The following GALNTL6 variants were observed in gnomAD, a reference collection of about 807,000 sequenced individuals.
GALNTL6 encodes the protein polypeptide N-acetylgalactosaminyltransferase like 6.
A neutral mutation model predicts 73.7 loss-of-function variants in GALNTL6; 46 were observed. The observed-to-expected ratio is 0.62, with a 90% CI of 0.49 to 0.80. The LOEUF is 0.80. Ranked by LOEUF, GALNTL6 falls within the 30% of genes least tolerant of loss-of-function variation. GALNTL6 has a pLI of 0.00. For missense variants in GALNTL6, 604 were observed against 755.0 expected (o/e 0.80, Z 2.34); for synonymous variants, 259 against 263.7 (o/e 0.98, Z 0.17).
At chr4:172,162,118 T>G (rs749881322) in intron 2 of GALNTL6, among the ~76,000 whole-genome samples, 17 of 151,854 alleles carry the variant, frequency 1.1e-4, no homozygotes, top group Admixed American at 7.2e-4. Context: ...TTAATAATTT[T>G]AAAATAAAAC....
chr4:172,370,580 G>A (rs1281222425), intron 5 of GALNTL6, among the ~76,000 whole-genome samples: 2 of 135,290 alleles, frequency 1.5e-5, no homozygotes, highest in Middle Eastern at 4.9e-3. Flanking sequence ...GCAGTGAGTC[G>A]AGATCACGCC....
intron 2 of GALNTL6, among the ~76,000 whole-genome samples, chr4:171,857,661 T>G (rs1445797322): frequency 6.6e-6 from 1 of 152,160 alleles, no homozygotes; most frequent in Admixed American, 6.5e-5. Flanking sequence ...AAAAGAACAT[T>G]TTTTGTAAGG....
Position 172,809,355 on chromosome 4 carries a change from A to G in GALNTL6, c.554-6A>G. Reference sequence around the variant, plus strand: ...TTTTTCTATGCATTCTCTACTTCCTACCTAGAACACCTGAAGGATAAATTG... The same window carrying G: ...TTTTTCTATGCATTCTCTACTTCCTGCCTAGAACACCTGAAGGATAAATTG... On this transcript the variant is annotated splice_region_variant and splice_polypyrimidine_tract_variant and intron_variant, in intron 5 of 12. Coordinates refer to ENST00000506823, the MANE Select transcript of GALNTL6 (RefSeq NM_001034845.3). The surrounding 1 kb of genome is among the most constrained non-coding windows in gnomAD (Gnocchi z 4.4). 6.2e-7 allele frequency: 1 copy of G among 1,612,382 alleles called. No homozygotes were observed.
At chr4:173,033,830 T>C (rs1753571024) in intron 12 of GALNTL6, among the ~76,000 whole-genome samples, 1 of 152,170 alleles carries the variant, frequency 6.6e-6, no homozygotes, top group Admixed American at 6.5e-5. Flanking sequence ...TTCCAATGTA[T>C]ACTCTTAAAA....
chr4:172,932,754 T>G (rs1748416928), intron 9 of GALNTL6, among the ~76,000 whole-genome samples: 1 of 152,232 alleles, frequency 6.6e-6, no homozygotes, highest in Admixed American at 6.5e-5. Flanking sequence ...TACAATATTT[T>G]TAATAATTTT....
chr4:172,038,728 G>A (rs1579080052), intron 2 of GALNTL6, among the ~76,000 whole-genome samples: 1 of 152,110 alleles, frequency 6.6e-6, no homozygotes, highest in Admixed American at 6.6e-5. Flanking sequence ...TTGCTTCCTT[G>A]TCTCCCAGTT....
chr4:172,034,110 T>C (rs1016475944), intron 2 of GALNTL6, among the ~76,000 whole-genome samples: 1 of 152,082 alleles, frequency 6.6e-6, no homozygotes, highest in African/African-American at 2.4e-5. Context: ...GCATAATTCT[T>C]TTTAGGATAT....
intron 2 of GALNTL6, among the ~76,000 whole-genome samples, chr4:172,094,065 T>C (rs1732282682): frequency 6.6e-6 from 1 of 152,184 alleles, no homozygotes; most frequent in African/African-American, 2.4e-5. Flanking sequence ...ACCGCTGACA[T>C]AGATTAGTTA....
chr4:172,057,735 T>A lies in GALNTL6; in HGVS notation c.139-171921T>A, dbSNP rs865869359. Among the ~76,000 whole-genome samples, 305 of 132,618 alleles carry A rather than the reference T, an allele frequency of 2.3e-3. 1 individual carries two copies. Among genetic ancestry groups the A allele is most frequent in the African/African-American group, 8.4e-3 (272 of 32,484 alleles). 87.0% of individuals were successfully genotyped at this position (132,618 alleles called of 152,430 possible). A position where few individuals can be genotyped will look rare whatever the true frequency, so the allele number is the denominator to read the frequency against. ...AAAAAAAAAAAAAAAAAAATATATA[T>A]ATATATATATATATATATATATAAA... On this transcript the variant is annotated intron_variant, in intron 2 of 12. Coordinates refer to ENST00000506823, the MANE Select transcript of GALNTL6 (RefSeq NM_001034845.3).
intron 11 of GALNTL6, among the ~76,000 whole-genome samples, chr4:173,010,108 A>AT (rs1369948523): frequency 6.6e-6 from 1 of 151,892 alleles, no homozygotes; most frequent in African/African-American, 2.4e-5. Flanking sequence ...CATTCTTTCT[A>AT]TTTTTTGTAC....
At position 172,849,762 on chromosome 4, in the gene GALNTL6, C is replaced by A. The variant is rs1366856757; in HGVS notation, c.924-33028C>A. ...TAATCTACATGCAAAACCTAGAGGT[C>A]TATCACAGAGAGTTTGTCAAACTGT... is the stretch of plus-strand genomic sequence containing the variant. On this transcript the variant is annotated intron_variant, in intron 7 of 12. Transcript: ENST00000506823. Among the ~76,000 whole-genome samples the A allele has an allele frequency of 3.3e-5, 5 of 152,102 alleles. No individual in the cohort carries two copies. In the East Asian group the frequency reaches 9.6e-4, roughly 29 times the overall value.
chr4:172,336,657 G>A (rs898678695), intron 4 of GALNTL6, among the ~76,000 whole-genome samples: 5 of 152,066 alleles, frequency 3.3e-5, no homozygotes, highest in Non-Finnish European at 7.3e-5. Flanking sequence ...ATTGCTTCAT[G>A]GCAATGCATG....
At chr4:172,499,764 C>G (rs533955322) in intron 5 of GALNTL6, among the ~76,000 whole-genome samples, 1 of 152,048 alleles carries the variant, frequency 6.6e-6, no homozygotes, top group Non-Finnish European at 1.5e-5. Flanking sequence ...CTATTTACAA[C>G]GAGTAGAAAT....
intron 5 of GALNTL6, among the ~76,000 whole-genome samples, chr4:172,581,548 T>C (rs1737191000): frequency 1.3e-5 from 2 of 152,208 alleles, no homozygotes; most frequent in African/African-American, 2.4e-5. Flanking sequence ...CCCCCTATTC[T>C]ATTCTTTCCC....
At chr4:171,835,979 A>G (rs1735084471) in intron 2 of GALNTL6, among the ~76,000 whole-genome samples, 1 of 152,110 alleles carries the variant, frequency 6.6e-6, no homozygotes, top group African/African-American at 2.4e-5. Context: ...TATTGTCTGT[A>G]ACATCTATAC....
chr4:171,930,697 G>A (rs538746531), intron 2 of GALNTL6, among the ~76,000 whole-genome samples: 22 of 152,032 alleles, frequency 1.4e-4, no homozygotes, highest in African/African-American at 4.8e-4. Context: ...ATAGCCAGGC[G>A]TGGTGGTGGG....
At chr4:172,973,446 C>A (rs1011806899) in intron 10 of GALNTL6, among the ~76,000 whole-genome samples, 2 of 152,090 alleles carry the variant, frequency 1.3e-5, no homozygotes, top group Non-Finnish European at 1.5e-5. Context: ...CAAGCCAAAT[C>A]TAGAATGTAG....
At chr4:172,031,637 C>A (rs778789909) in intron 2 of GALNTL6, among the ~76,000 whole-genome samples, 2 of 151,884 alleles carry the variant, frequency 1.3e-5, no homozygotes, top group African/African-American at 2.4e-5. Context: ...TCCTTTAGTA[C>A]GTTGTACCTA....
chr4:172,345,226 T>C (rs1741700578), intron 4 of GALNTL6, among the ~76,000 whole-genome samples: 1 of 152,022 alleles, frequency 6.6e-6, no homozygotes, highest in Non-Finnish European at 1.5e-5. Context: ...ATCTATAAAG[T>C]GTGGTGTGAC....
Sources: gnomAD v4.1 joint callset for allele counts (sites outside exome capture counted in the v4.1 genomes callset) on GRCh38, gnomAD v4.1.1 for gene constraint, Gnocchi (gnomAD v3.1) non-coding constraint, MANE v1.5 for transcripts, NCBI Gene and HGNC (gene_info 2026-07-23, HGNC 2026-07-21) for gene names.